ARHGAP26: variants seen among roughly 807,000 people sequenced by gnomAD.
ARHGAP26 encodes Rho GTPase activating protein 26.
In ARHGAP26, 38 loss-of-function variants were observed where a neutral mutation model predicts 104.8. The observed-to-expected ratio is 0.36, with a 90% CI of 0.28 to 0.48. The LOEUF is 0.48. Among genes scored for constraint, ARHGAP26 ranks in the 20% least tolerant of loss-of-function variants. The pLI, the probability that ARHGAP26 is intolerant of heterozygous loss-of-function variation, is 0.99. For synonymous variants in ARHGAP26, 341 were observed against 340.0 expected (o/e 1.00, Z -0.03); for missense variants, 704 against 947.9 (o/e 0.74, Z 3.38).
intron 17 of ARHGAP26, among the ~76,000 whole-genome samples, chr5:143,063,670 C>T (rs1461012484): frequency 6.6e-6 from 1 of 152,218 alleles, no homozygotes; most frequent in Non-Finnish European, 1.5e-5. Context: ...CCTCCCTGCT[C>T]CATCCTTTTA....
At chr5:142,786,525 C>G (rs998126449) in intron 1 of ARHGAP26, among the ~76,000 whole-genome samples, 1 of 152,112 alleles carries the variant, frequency 6.6e-6, no homozygotes, top group Non-Finnish European at 1.5e-5. Flanking sequence ...TCTCAAATTC[C>G]TGGCCTCAAA....
intron 10 of ARHGAP26, among the ~76,000 whole-genome samples, chr5:142,930,521 C>G (rs905217659): frequency 2.0e-5 from 3 of 152,110 alleles, no homozygotes; most frequent in African/African-American, 7.2e-5. Context: ...TGACCATCCT[C>G]TTGGGATCAG....
chr5:143,156,658 A>G (rs983183638), intron 20 of ARHGAP26, among the ~76,000 whole-genome samples: 1 of 152,248 alleles, frequency 6.6e-6, no homozygotes, highest in Non-Finnish European at 1.5e-5. Context: ...CCACCAGAAT[A>G]AAATCAGGAC....
intron 1 of ARHGAP26, among the ~76,000 whole-genome samples, chr5:142,776,071 T>C (rs1331260670): frequency 1.3e-5 from 2 of 152,234 alleles, no homozygotes; most frequent in Non-Finnish European, 2.9e-5. Context: ...GAATTTTTCA[T>C]AAAAGGTTAA....
rs570258679 is a variant in ARHGAP26, at chr5:143,107,851, CA to C, written c.1539-13135del. 2.0e-5 allele frequency among the ~76,000 whole-genome samples: 3 copies of C among 152,322 alleles called. No homozygotes were observed. In the South Asian group the frequency reaches 6.2e-4, roughly 32 times the overall value. On this transcript the variant is annotated intron_variant, in intron 17 of 22. Coordinates refer to ENST00000645722, the MANE Select transcript of ARHGAP26 (RefSeq NM_001135608.3). ...AATTTGCTTTCATGGTAGCAGAATTCAATGAGTTTCCAGCTTTGTGCCACCT... is the reference window on the plus strand; with the variant it reads ...AATTTGCTTTCATGGTAGCAGAATTCATGAGTTTCCAGCTTTGTGCCACCT...
chr5:142,771,604 G>C (rs1755223317), intron 1 of ARHGAP26, among the ~76,000 whole-genome samples: 1 of 152,092 alleles, frequency 6.6e-6, no homozygotes, highest in Non-Finnish European at 1.5e-5. Context: ...TGTGGGCGAG[G>C]GTTTAAAAAT....
intron 1 of ARHGAP26, among the ~76,000 whole-genome samples, chr5:142,826,361 A>T (rs924764073): frequency 1.3e-5 from 2 of 152,160 alleles, no homozygotes; most frequent in Admixed American, 1.3e-4. Context: ...CCCTACCACA[A>T]TCCCATCATG....
intron 20 of ARHGAP26, among the ~76,000 whole-genome samples, chr5:143,159,517 AG>A (rs1246311620): frequency 6.6e-6 from 1 of 152,216 alleles, no homozygotes; most frequent in Non-Finnish European, 1.5e-5. Flanking sequence ...GGTGCAGGAC[AG>A]TGTGCAGCTG....
intron 18 of ARHGAP26, among the ~76,000 whole-genome samples, chr5:143,129,001 CAG>C (rs1380898424): frequency 6.6e-6 from 1 of 152,124 alleles, no homozygotes; most frequent in African/African-American, 2.4e-5. Context: ...GCGCATGTGA[CAG>C]ATGGGATTGA....
intron 20 of ARHGAP26, 63 bp from the exon 21 acceptor site, chr5:143,207,135 T>C (rs138439662): frequency 1.6e-4 from 255 of 1,570,518 alleles, no homozygotes; most frequent in Non-Finnish European, 2.1e-4. Flanking sequence ...TCCCATGACC[T>C]CCTGTGCTCC....
intron 11 of ARHGAP26, among the ~76,000 whole-genome samples, chr5:142,972,027 C>A (rs1453459930): frequency 6.6e-6 from 1 of 152,024 alleles, no homozygotes; most frequent in African/African-American, 2.4e-5. Flanking sequence ...ACTAAAAATA[C>A]AAAAATTAGC....
intron 20 of ARHGAP26, among the ~76,000 whole-genome samples, chr5:143,193,223 A>G (rs1005107783): frequency 2.1e-5 from 3 of 145,092 alleles, no homozygotes; most frequent in African/African-American, 7.8e-5. Flanking sequence ...CAGGTATTAC[A>G]GTGCTTATTT....
intron 17 of ARHGAP26, among the ~76,000 whole-genome samples, chr5:143,061,380 C>T (rs982047283): frequency 2.6e-5 from 4 of 152,110 alleles, no homozygotes; most frequent in Non-Finnish European, 4.4e-5. Context: ...ACATACCATT[C>T]GTAGTGGCTC....
intron 1 of ARHGAP26, among the ~76,000 whole-genome samples, chr5:142,869,801 T>G (rs142782050): frequency 6.6e-6 from 1 of 152,358 alleles, no homozygotes; most frequent in African/African-American, 2.4e-5. Flanking sequence ...TTAAATTCTC[T>G]TAAATCCGGT....
At chr5:143,092,945 C>G (rs558028642) in intron 17 of ARHGAP26, among the ~76,000 whole-genome samples, 1 of 152,210 alleles carries the variant, frequency 6.6e-6, no homozygotes, top group Admixed American at 6.5e-5. Context: ...CCTCAATCAC[C>G]GGGGAGGAAC....
chr5:143,222,905 T>TA lies in ARHGAP26; in HGVS notation c.*460dup, dbSNP rs1811374182. On this transcript the variant is annotated 3_prime_UTR_variant, in exon 23 of 23. Transcript: ENST00000645722. ...TTTTGTTTACAATAGGCACTCTCTCTACCCCACCTCTCAGTACTTGAGACT... is the reference window on the plus strand; with the variant it reads ...TTTTGTTTACAATAGGCACTCTCTCTAACCCCACCTCTCAGTACTTGAGACT... 4.3e-6 allele frequency: 1 copy of TA among 233,240 alleles called. No homozygotes were observed. The highest frequency in any genetic ancestry group is 1.8e-4 in the South Asian group (1 of 5,546). 14.4% of individuals were successfully genotyped at this position (233,240 alleles called of 1,614,324 possible).
intron 11 of ARHGAP26, among the ~76,000 whole-genome samples, chr5:142,970,756 T>C (rs1772147212): frequency 2.0e-5 from 3 of 152,154 alleles, no homozygotes; most frequent in African/African-American, 7.2e-5. Flanking sequence ...GTGGGGCAAG[T>C]AGAAACAAGG....
chr5:142,880,328 G>C (rs1756779085), intron 4 of ARHGAP26, among the ~76,000 whole-genome samples: 1 of 152,132 alleles, frequency 6.6e-6, no homozygotes, highest in African/African-American at 2.4e-5. Flanking sequence ...GACCAGGCTG[G>C]CCAATATGGC....
intron 17 of ARHGAP26, among the ~76,000 whole-genome samples, chr5:143,098,913 G>A (rs991666605): frequency 2.0e-5 from 3 of 152,120 alleles, no homozygotes; most frequent in African/African-American, 7.2e-5. Flanking sequence ...TGAAAGTATA[G>A]TATAGAATAA....
Sources: allele counts gnomAD v4.1 joint callset (sites outside exome capture counted in the v4.1 genomes callset), GRCh38; gene constraint gnomAD v4.1.1; transcripts MANE v1.5; gene names NCBI Gene and HGNC (gene_info 2026-07-23, HGNC 2026-07-21).